Variants in AFF3 observed in about 807,000 individuals in gnomAD.
The protein encoded by AFF3 is AF4/FMR2 family member 3.
A neutral mutation model predicts 129.7 loss-of-function variants in AFF3; 32 were observed. The ratio of observed to expected loss-of-function variants is 0.25; its 90% CI spans 0.19 to 0.33. AFF3 has a LOEUF of 0.33. Among genes scored for constraint, AFF3 ranks in the 10% least tolerant of loss-of-function variants. The probability of loss-of-function intolerance (pLI) is 1.00; values close to 1 mark genes in which losing one functional copy is unlikely to be tolerated. For synonymous variants in AFF3, 644 were observed against 635.4 expected, an observed-to-expected ratio of 1.01 and a Z score of -0.20; for missense variants, 1,373 against 1,592.0, an observed-to-expected ratio of 0.86 and a Z score of 2.34.
chr2:99,593,146 T>C, intron 15 of AFF3, 49 bp downstream of exon 15: 2 of 1,520,706 alleles, frequency 1.3e-6, no homozygotes, highest in Non-Finnish European at 1.8e-6. Flanking sequence ...AGTTAAGAGA[T>C]AGCCCCTTCC....
intron 13 of AFF3, among the ~76,000 whole-genome samples, chr2:99,609,414 T>C (rs1010323144): frequency 1.3e-5 from 2 of 152,140 alleles, no homozygotes; most frequent in Non-Finnish European, 2.9e-5. Context: ...CCAAAGTCCA[T>C]TGTATCATTC....
At chr2:99,787,064 C>A (rs558731810) in intron 8 of AFF3, among the ~76,000 whole-genome samples, 3 of 151,980 alleles carry the variant, frequency 2.0e-5, no homozygotes, top group Admixed American at 1.3e-4. Context: ...GGCAAAAATG[C>A]CCTTGGCCTT....
rs150872146 is a variant in AFF3 at position 100,099,399 on chromosome 2, C to T, written c.53+5003G>A. 8.4e-4 allele frequency among the ~76,000 whole-genome samples: 128 copies of T among 152,294 alleles called. 6 individuals carry two copies. In the East Asian group the frequency reaches 0.022, roughly 26 times the overall value. On this transcript the variant is annotated intron_variant, in intron 4 of 24. Transcript: ENST00000672756. ...ATTTGAAGACAAGCAAAAGCATCAG[C>T]GGGCACTACTAGGCAGCATCCTTAG... is the stretch of plus-strand genomic sequence containing the variant.
intron 14 of AFF3, among the ~76,000 whole-genome samples, chr2:99,595,809 T>C (rs1413636730): frequency 1.3e-5 from 2 of 152,158 alleles, no homozygotes; most frequent in African/African-American, 4.8e-5. Context: ...CAGAACGGGT[T>C]GGGGCCAAGA....
chr2:100,100,542 C>T (rs936628882), intron 4 of AFF3, among the ~76,000 whole-genome samples: 5 of 152,198 alleles, frequency 3.3e-5, no homozygotes, highest in African/African-American at 4.8e-5. Flanking sequence ...CTCTTTCCAT[C>T]CTCCACCCAA....
In AFF3 at chr2:99,654,776, A is replaced by C. The variant is rs562190339; in HGVS notation, c.1144-5110T>G. Reference sequence around the variant, plus strand: ...ACATGTTCTTTTTTTTCTGCCAGAAATTGCCATTTTCAGGTTCTCCTCAAG... The same window carrying C: ...ACATGTTCTTTTTTTTCTGCCAGAACTTGCCATTTTCAGGTTCTCCTCAAG... On this transcript the variant is annotated intron_variant, in intron 12 of 24. Transcript: ENST00000672756. Among the ~76,000 whole-genome samples the C allele has an allele frequency of 4.6e-5, 7 of 152,236 alleles. No individual in the cohort carries two copies. The East Asian group carries it at 1.4e-3, about 29-fold the overall frequency.
chr2:99,874,854 G>A (rs1040229410), intron 7 of AFF3, among the ~76,000 whole-genome samples: 1 of 152,018 alleles, frequency 6.6e-6, no homozygotes, highest in Non-Finnish European at 1.5e-5. Flanking sequence ...ATATTTAGCA[G>A]TAAAGGGGCA....
chr2:99,578,650 A>T (rs1008431098), intron 17 of AFF3, among the ~76,000 whole-genome samples, 199 bp from the exon 18 acceptor site: 10 of 152,212 alleles, frequency 6.6e-5, no homozygotes, highest in Admixed American at 3.3e-4. Flanking sequence ...CTGTGTTCTC[A>T]ACTGTCATTC....
chr2:99,854,668 G>A (rs1690394969), intron 7 of AFF3, among the ~76,000 whole-genome samples: 1 of 152,048 alleles, frequency 6.6e-6, no homozygotes, highest in East Asian at 1.9e-4. Flanking sequence ...GGTCTAGAGT[G>A]GCATTTTATT....
intron 8 of AFF3, among the ~76,000 whole-genome samples, chr2:99,829,817 G>A (rs1288409704): frequency 6.6e-6 from 1 of 152,052 alleles, no homozygotes; most frequent in Non-Finnish European, 1.5e-5. Context: ...TCTACTATAA[G>A]GACACATGCA....
chr2:100,131,965 C>A (rs1433074336), intron 1 of AFF3, among the ~76,000 whole-genome samples: 1 of 152,116 alleles, frequency 6.6e-6, no homozygotes, highest in Non-Finnish European at 1.5e-5. Context: ...GATGGAGTGC[C>A]TGCCTTGAGG....
chr2:100,061,859 G>T (rs559484732), intron 4 of AFF3, among the ~76,000 whole-genome samples: 3 of 128,484 alleles, frequency 2.3e-5, no homozygotes, highest in South Asian at 2.4e-4. Flanking sequence ...CACAGTGGAG[G>T]GGGGGGGGGT....
At chr2:99,842,055 G>C (rs1211269613) in intron 7 of AFF3, among the ~76,000 whole-genome samples, 1 of 152,140 alleles carries the variant, frequency 6.6e-6, no homozygotes, top group African/African-American at 2.4e-5. Context: ...GGGAAGTAGA[G>C]AGAAAAAGTC....
At chr2:99,619,506 C>T (rs1320999501) in intron 13 of AFF3, among the ~76,000 whole-genome samples, 5 of 152,162 alleles carry the variant, frequency 3.3e-5, no homozygotes, top group African/African-American at 1.2e-4. Flanking sequence ...AAGGCTGCAC[C>T]ACAGAGCACA....
intron 8 of AFF3, among the ~76,000 whole-genome samples, chr2:99,776,149 G>A (rs181384302): frequency 3.3e-5 from 5 of 152,172 alleles, no homozygotes; most frequent in Non-Finnish European, 7.4e-5. Flanking sequence ...AATGGCATCG[G>A]GGGAAAAAAG....
chr2:100,010,025 T>C (rs1408533899), intron 4 of AFF3, among the ~76,000 whole-genome samples: 1 of 152,154 alleles, frequency 6.6e-6, no homozygotes, highest in South Asian at 2.1e-4. Flanking sequence ...ACCTGCGAAA[T>C]GTGGTTCTCC....
rs573755165 is a variant in AFF3 at position 99,840,816 on chromosome 2, CG to C, written c.874-3293del. Among the ~76,000 whole-genome samples, 803 of 152,220 alleles carry C rather than the reference CG, an allele frequency of 5.3e-3. 5 individuals are homozygous for C. The highest frequency in any genetic ancestry group is 9.4e-3 in the Non-Finnish European group (638 of 67,998). On this transcript the variant is annotated intron_variant, in intron 7 of 24. Transcript: ENST00000672756. ...TTATATAGGAAAGTCTCAGTCGGGCCGGGGGGCTTGATGGTCACTTGGAAGG... is the reference window on the plus strand; with the variant it reads ...TTATATAGGAAAGTCTCAGTCGGGCCGGGGGCTTGATGGTCACTTGGAAGG...
chr2:99,611,795 G>A (rs1421703218), intron 13 of AFF3, among the ~76,000 whole-genome samples: 1 of 152,014 alleles, frequency 6.6e-6, no homozygotes, highest in Non-Finnish European at 1.5e-5. Flanking sequence ...GCTGAGGCAG[G>A]AGAATCGCTT....
At chr2:99,657,940 G>C (rs932514823) in intron 12 of AFF3, among the ~76,000 whole-genome samples, 2 of 152,202 alleles carry the variant, frequency 1.3e-5, no homozygotes, top group Non-Finnish European at 2.9e-5. Flanking sequence ...AGTCAAATCC[G>C]AGAGGACTGA....
Sources: allele counts gnomAD v4.1 joint callset (sites outside exome capture counted in the v4.1 genomes callset), GRCh38; gene constraint gnomAD v4.1.1; transcripts MANE v1.5; gene names NCBI Gene and HGNC (gene_info 2026-07-23, HGNC 2026-07-21).